Variants in DHX35 observed in about 807,000 individuals in gnomAD.
DHX35 encodes the protein DEAH-box helicase 35.
A neutral mutation model predicts 99.6 loss-of-function variants in DHX35; 84 were observed. The observed-to-expected ratio is 0.84, with a 90% CI of 0.71 to 1.01. DHX35 has a LOEUF of 1.01. DHX35 is among the 50% of genes least tolerant of loss of function. The pLI, the probability that DHX35 is intolerant of heterozygous loss-of-function variation, is 0.00. For synonymous variants in DHX35, 331 were observed against 316.2 expected, an observed-to-expected ratio of 1.05 and a Z score of -0.50; for missense variants, 852 against 888.5, an observed-to-expected ratio of 0.96 and a Z score of 0.52.
chr20:39,003,979 G>C, intron 11 of DHX35, 72 bp downstream of exon 11: 1 of 1,562,514 alleles, frequency 6.4e-7, no homozygotes, highest in Non-Finnish European at 8.8e-7. Flanking sequence ...TACTTGTTTT[G>C]AAACTTGCTA....
Position 38,994,811 on chromosome 20 carries a change from T to G in DHX35, c.583-10T>G, listed in dbSNP as rs746380013. 1 of 1,611,224 alleles carries G rather than the reference T, an allele frequency of 6.2e-7. No homozygotes were observed. Among genetic ancestry groups the G allele is most frequent in the African/African-American group, 1.3e-5 (1 of 74,858 alleles). ...CTATTATCATTATTTCCAAATGTCT[T>G]CTTTTTTAGATTCAGAAAAAGCGAG... is the stretch of plus-strand genomic sequence containing the variant. On this transcript the variant is annotated splice_polypyrimidine_tract_variant and intron_variant, in intron 7 of 21. Transcript: ENST00000252011.
intron 3 of DHX35, among the ~76,000 whole-genome samples, chr20:38,974,977 G>A (rs1456372679): frequency 1.3e-5 from 2 of 152,164 alleles, no homozygotes; most frequent in Non-Finnish European, 2.9e-5. Flanking sequence ...AGGGTTAAGG[G>A]TGTCTAAGGG....
At position 39,025,339 on chromosome 20, in the gene DHX35, T is replaced by G. The variant is rs569642621; in HGVS notation, c.1781T>G (p.Val594Gly). The G allele has an allele frequency of 2.5e-6, 4 of 1,613,842 alleles. No homozygotes were observed. The Admixed American group carries it at 6.7e-5, about 27-fold the overall frequency. Residue 594 changes from valine to glycine, a missense_variant, in exon 18 of 22, where the codon GTG (valine) becomes GGG (glycine). By Grantham distance (109) the Val-to-Gly change is moderately radical (BLOSUM62 -3). Transcript: ENST00000252011. ...QLKKLLVKFQ[V>G]PRKSSEGDPD... ...AAAAAGCTTCTTGTCAAGTTTCAAG[T>G]GCCCAGGAAGTCTAGTGAAGGTGAG...
At chr20:39,027,482 C>G (rs571971878) in intron 18 of DHX35, among the ~76,000 whole-genome samples, 2 of 152,004 alleles carry the variant, frequency 1.3e-5, no homozygotes, top group African/African-American at 4.8e-5. Context: ...AGAAATATGC[C>G]GATAGTAATC....
In DHX35 at chr20:38,973,371, C is replaced by T. The variant is rs555509286; in HGVS notation, c.267+720C>T. Among the ~76,000 whole-genome samples, 4 of 152,242 alleles carry T rather than the reference C, an allele frequency of 2.6e-5. No homozygotes were observed. The South Asian group carries it at 8.3e-4, about 32-fold the overall frequency. On this transcript the variant is annotated intron_variant, in intron 3 of 21. Coordinates refer to ENST00000252011, the MANE Select transcript of DHX35 (RefSeq NM_021931.4). ...TATATCATAATTGTACACCTTGATA[C>T]ATTTCTGCAAGTGGAATACATCTGT... is the stretch of plus-strand genomic sequence containing the variant.
intron 17 of DHX35, among the ~76,000 whole-genome samples, chr20:39,024,966 G>T (rs1600443943): frequency 2.0e-5 from 3 of 152,174 alleles, no homozygotes; most frequent in Non-Finnish European, 1.5e-5. Flanking sequence ...TCTCATGAAG[G>T]TATGTAAGAT....
intron 20 of DHX35, 21 bp from the exon 21 acceptor site, chr20:39,034,185 C>T (rs755553600): frequency 1.9e-6 from 3 of 1,565,290 alleles, no homozygotes; most frequent in South Asian, 2.2e-5. Context: ...GAAATTAGCT[C>T]ATGTTTCTTT....
At chr20:38,989,508 G>C (rs1478378211) in intron 5 of DHX35, among the ~76,000 whole-genome samples, 3 of 151,928 alleles carry the variant, frequency 2.0e-5, no homozygotes, top group Non-Finnish European at 2.9e-5. Flanking sequence ...AGAGGTTAAG[G>C]GCTTGGAAGG....
At chr20:38,966,190 T>A (rs144299166) in intron 1 of DHX35, among the ~76,000 whole-genome samples, 69 of 152,340 alleles carry the variant, frequency 4.5e-4, no homozygotes, top group African/African-American at 1.6e-3. Flanking sequence ...AAGATGTTCA[T>A]AGTTTGCAAA....
At chr20:38,990,063 G>A (rs574658580) in intron 5 of DHX35, among the ~76,000 whole-genome samples, 5 of 152,158 alleles carry the variant, frequency 3.3e-5, no homozygotes, top group African/African-American at 7.2e-5. Flanking sequence ...ATTTTGCTAG[G>A]TGAAGGGAAT....
Position 39,038,552 on chromosome 20 carries a change from C to T in DHX35, c.*9C>T. ...AGGTCCAGGACCCGTGAGAGGAGCCCACAGCTACAGCTGCAGGGACTGCTG... is the reference window on the plus strand; with the variant it reads ...AGGTCCAGGACCCGTGAGAGGAGCCTACAGCTACAGCTGCAGGGACTGCTG... On this transcript the variant is annotated 3_prime_UTR_variant, in exon 22 of 22. Coordinates refer to ENST00000252011, the MANE Select transcript of DHX35 (RefSeq NM_021931.4). 9 of 1,611,264 alleles carry T rather than the reference C, an allele frequency of 5.6e-6. No homozygotes were observed. Among genetic ancestry groups the T allele is most frequent in the Non-Finnish European group, 7.6e-6 (9 of 1,179,770 alleles).
At chr20:39,018,705 T>C (rs184462721) in intron 14 of DHX35, 99 bp from the exon 15 acceptor site, 139 of 1,190,448 alleles carry the variant, frequency 1.2e-4, no homozygotes, top group Admixed American at 5.5e-4. Flanking sequence ...GGATACTTTC[T>C]TCTTTTTAGC....
intron 21 of DHX35, among the ~76,000 whole-genome samples, chr20:39,035,899 T>C (rs1329796215): frequency 2.6e-5 from 4 of 152,226 alleles, no homozygotes; most frequent in Non-Finnish European, 5.9e-5. Flanking sequence ...TCTTCACACA[T>C]CCCAATTCAG....
intron 11 of DHX35, 71 bp downstream of exon 11, chr20:39,003,978 T>C (rs112422409): frequency 3.2e-6 from 5 of 1,558,918 alleles, no homozygotes; most frequent in African/African-American, 2.7e-5. Context: ...TTACTTGTTT[T>C]GAAACTTGCT....
chr20:39,020,010 A>T lies in DHX35; in HGVS notation c.1498+1111A>T, dbSNP rs574692566. Among the ~76,000 whole-genome samples, 14 of 152,214 alleles carry T rather than the reference A, an allele frequency of 9.2e-5. No homozygotes were observed. In the South Asian group the frequency reaches 2.9e-3, roughly 32 times the overall value. On this transcript the variant is annotated intron_variant, in intron 15 of 21. Transcript: ENST00000252011. The stretch of plus-strand genomic sequence containing the variant: ...GTGTTTGTCTTTCTGTGCCTGCCTT[A>T]TTTCACTTGGCATAATGTCCTCCAG...
At chr20:38,986,465 A>G (rs1245964292) in intron 4 of DHX35, among the ~76,000 whole-genome samples, 1 of 152,236 alleles carries the variant, frequency 6.6e-6, no homozygotes, top group African/African-American at 2.4e-5. Context: ...TTATAGACCC[A>G]TAAAATGATT....
chr20:38,976,336 CTG>C (rs11472267), intron 3 of DHX35, among the ~76,000 whole-genome samples: 58 of 146,002 alleles, frequency 4.0e-4, no homozygotes, highest in Non-Finnish European at 3.6e-4. Context: ...AGAGAAGTGT[CTG>C]TGTGTGTGTG....
intron 1 of DHX35, among the ~76,000 whole-genome samples, chr20:38,967,662 G>C (rs1036288663): frequency 2.0e-5 from 3 of 152,208 alleles, no homozygotes; most frequent in African/African-American, 7.2e-5. Context: ...TTCATGATGG[G>C]ATATGGCTTC....
chr20:38,994,742 A>G (rs2086399844), intron 7 of DHX35, 79 bp from the exon 8 acceptor site: 1 of 1,210,664 alleles, frequency 8.3e-7, no homozygotes, highest in Non-Finnish European at 1.2e-6. Context: ...TGAATTTTTG[A>G]AATACATTTC....
Sources: allele counts gnomAD v4.1 joint callset (sites outside exome capture counted in the v4.1 genomes callset), GRCh38; gene constraint gnomAD v4.1.1; transcripts MANE v1.5; gene names NCBI Gene and HGNC (gene_info 2026-07-23, HGNC 2026-07-21).